GHRHR: variants seen among roughly 807,000 people sequenced by gnomAD.
GHRHR encodes the protein growth hormone-releasing hormone receptor.
GHRHR carries 40 observed loss-of-function variants against 58.3 expected under a neutral mutation model. The ratio of observed to expected loss-of-function variants is 0.69; its 90% confidence interval spans 0.53 to 0.89. The LOEUF (loss-of-function observed/expected upper bound fraction) is 0.89, where lower values mean the gene tolerates loss of function less well. Ranked by LOEUF, GHRHR falls within the 40% of genes least tolerant of loss-of-function variation. GHRHR has a pLI of 0.00. For missense variants in GHRHR, 551 were observed against 541.3 expected, an observed-to-expected ratio of 1.02 and a Z score of -0.18; for synonymous variants, 249 against 216.6, an observed-to-expected ratio of 1.15 and a Z score of -1.31.
intron 1 of GHRHR, among the ~76,000 whole-genome samples, chr7:30,964,714 T>C (rs1792305951): frequency 6.6e-6 from 1 of 152,152 alleles, no homozygotes; most frequent in Non-Finnish European, 1.5e-5. Context: ...CATCATCTTC[T>C]CACGATGCTG....
At chr7:30,964,895 G>A (rs1792309826) in intron 1 of GHRHR, among the ~76,000 whole-genome samples, 1 of 152,168 alleles carries the variant, frequency 6.6e-6, no homozygotes. Context: ...AAGGTTCTGG[G>A]ATGGTGAGGG....
chr7:30,972,077 C>T lies in GHRHR; in HGVS notation c.579C>T (p.Asp193=). 1 of 1,614,124 alleles carries T rather than the reference C, an allele frequency of 6.2e-7. No individual in the cohort carries two copies. The highest frequency in any genetic ancestry group is 8.5e-7 in the Non-Finnish European group (1 of 1,180,018). The change falls in exon 6 of 13, where the codon GAC becomes GAT. Residue 193 remains aspartate, a synonymous_variant. Transcript: ENST00000326139. ...DAALFHSDDT[D]HCSFSTVLCK... is the part of the protein sequence containing the mutation. ...CCCTTTTCCACAGCGACGACACTGA[C>T]CACTGCAGCTTCTCCACTGTAATGG...
At chr7:30,964,833 A>G (rs1373526725) in intron 1 of GHRHR, among the ~76,000 whole-genome samples, 1 of 152,128 alleles carries the variant, frequency 6.6e-6, no homozygotes, top group Non-Finnish European at 1.5e-5. Flanking sequence ...GTTTCCCAGT[A>G]ACTTTCCAGG....
At chr7:30,976,892 TCATCCAC>T (rs1462080522) in intron 11 of GHRHR, among the ~76,000 whole-genome samples, 1 of 84,018 alleles carries the variant, frequency 1.2e-5, no homozygotes, top group Admixed American at 1.6e-4. Flanking sequence ...ACCCACCCAT[TCATCCAC>T]CCACCCACCC....
At position 30,969,879 on chromosome 7, in the gene GHRHR, G is replaced by T. The variant is rs200848306; in HGVS notation, c.281G>T (p.Arg94Leu). The T allele has an allele frequency of 1.9e-6, 3 of 1,613,060 alleles. No homozygotes were observed. Among genetic ancestry groups the T allele is most frequent in the South Asian group, 2.2e-5 (2 of 91,074 alleles). ...HFSSESGAVK[R>L]DCTITGWSEP... ...GCTTGCCTCCCAGGGGCTGTGAAAC[G>T]GGATTGTACTATCACTGGCTGGTCT... Residue 94 changes from arginine (R) to leucine (L), a missense_variant, in exon 4 of 13, where the codon CGG becomes CTG. Transcript: ENST00000326139.
At chr7:30,967,887 G>C (rs572014295) in intron 1 of GHRHR, among the ~76,000 whole-genome samples, 2 of 152,300 alleles carry the variant, frequency 1.3e-5, no homozygotes, top group East Asian at 1.9e-4. Flanking sequence ...ATTTAAAATG[G>C]TTTCCAGTGG....
rs188490880 is a variant in GHRHR, at chr7:30,976,411, G to T, written c.975-18G>T. 55 of 1,612,046 alleles carry T rather than the reference G, an allele frequency of 3.4e-5. No individual in the cohort carries two copies. The African/African-American group carries it at 6.0e-4, about 18-fold the overall frequency. On this transcript the variant is annotated intron_variant, in intron 10 of 12. Transcript: ENST00000326139. ...TCTAATCCCAGTCTTGGGAGCCTAG[G>T]ATTTGTCTTTCCTGCAGGCGTCTCT...
chr7:30,977,491 A>T (rs1450579037), intron 12 of GHRHR, among the ~76,000 whole-genome samples, 169 bp downstream of exon 12: 1 of 152,208 alleles, frequency 6.6e-6, no homozygotes, highest in Non-Finnish European at 1.5e-5. Flanking sequence ...CTGAACCGGA[A>T]TGTTTCCTGT....
chr7:30,977,074 T>C (rs1458872991), intron 11 of GHRHR, among the ~76,000 whole-genome samples: 2 of 152,204 alleles, frequency 1.3e-5, no homozygotes, highest in Non-Finnish European at 2.9e-5. Context: ...GGGCCAACAG[T>C]ACAGCCCTGG....
chr7:30,979,423 A>G lies in GHRHR; in HGVS notation c.*179A>G, dbSNP rs1312877751. 7 of 630,316 alleles carry G rather than the reference A, an allele frequency of 1.1e-5. No homozygotes were observed. The highest frequency in any genetic ancestry group is 4.9e-5 in the South Asian group (3 of 60,940). The allele number at this position is 630,316 out of a possible 1,614,324, so 39.0% of individuals were successfully genotyped here. The stretch of plus-strand genomic sequence containing the variant: ...TCTCTTTTGAGGTCCCTGTATGTCT[A>G]CCTCTGACTTCTGTGGTCCCTCTGT... On this transcript the variant is annotated 3_prime_UTR_variant, in exon 13 of 13. Transcript: ENST00000326139.
intron 3 of GHRHR, 121 bp from the exon 4 acceptor site, chr7:30,969,744 CTG>C: frequency 1.1e-6 from 1 of 920,184 alleles, no homozygotes; most frequent in Non-Finnish European, 1.8e-6. Flanking sequence ...GCCACCCTCT[CTG>C]TTGCTCAGAG....
chr7:30,978,062 G>C lies in GHRHR; in HGVS notation c.1146+740G>C, dbSNP rs140094960. Among the ~76,000 whole-genome samples, 186 of 152,332 alleles carry C rather than the reference G, an allele frequency of 1.2e-3. 1 individual carries two copies. The highest frequency in any genetic ancestry group is 4.3e-3 in the African/African-American group (179 of 41,574). On this transcript the variant is annotated intron_variant, in intron 12 of 12. Transcript: ENST00000326139. ...CCTTTGTGCACCTGCAGGGCCATGC[G>C]CTCCCTCTGCTGGCCATGGATTTGC... is the stretch of plus-strand genomic sequence containing the variant.
chr7:30,971,761 A>G (rs1792484994), intron 5 of GHRHR, among the ~76,000 whole-genome samples: 1 of 151,910 alleles, frequency 6.6e-6, no homozygotes, highest in African/African-American at 2.4e-5. Flanking sequence ...CTCTCTTTCC[A>G]CACTTACCCT....
At chr7:30,969,672 A>G in intron 3 of GHRHR, 195 bp from the exon 4 acceptor site, 1 of 651,716 alleles carries the variant, frequency 1.5e-6, no homozygotes, top group East Asian at 2.7e-5. Context: ...CTTTGAAGCC[A>G]GAGAAGGAAG....
intron 10 of GHRHR, chr7:30,976,098 C>G (rs1792579684): frequency 1.7e-6 from 1 of 585,046 alleles, no homozygotes. Context: ...GTGCTGGGAT[C>G]AATTTCTATG....
At chr7:30,970,956 C>T in intron 4 of GHRHR, 163 bp from the exon 5 acceptor site, 2 of 685,162 alleles carry the variant, frequency 2.9e-6, no homozygotes, top group Non-Finnish European at 5.3e-6. Context: ...AACTAAAGCT[C>T]CAGTGCACAG....
rs948490288 is a variant in GHRHR at position 30,965,182 on chromosome 7, C to A, written c.57+1057C>A. ...CAACACAGGAAACTTCGACTGCCCC[C>A]CTGTCTGCCATCTGTGTGCACTCTA... On this transcript the variant is annotated intron_variant, in intron 1 of 12. Transcript: ENST00000326139. Among the ~76,000 whole-genome samples the A allele has an allele frequency of 5.9e-5, 9 of 152,286 alleles. 1 individual carries two copies. The highest frequency in any genetic ancestry group is 6.5e-5 in the Admixed American group (1 of 15,302).
At chr7:30,969,244 T>G in intron 3 of GHRHR, 74 bp downstream of exon 3, 1 of 1,072,970 alleles carries the variant, frequency 9.3e-7, no homozygotes, top group Non-Finnish European at 1.4e-6. Context: ...TCACTGGATT[T>G]GGGGGCAGGC....
In GHRHR at chr7:30,971,974, G is replaced by T; in HGVS notation, c.476G>T (p.Cys159Phe). ...TILVALRRLH[C>F]PRNYVHTQLF... The stretch of plus-strand genomic sequence containing the variant: ...CCCATTACCCCCAGGAGGCTCCACT[G>T]CCCCCGGAACTACGTCCACACCCAG... The change falls in exon 6 of 13, where the codon TGC becomes TTC. Residue 159 changes from cysteine to phenylalanine, a missense_variant. Physicochemically the swap from Cys to Phe is radical, Grantham distance 205. Transcript: ENST00000326139. The T allele has an allele frequency of 6.2e-7, 1 of 1,613,820 alleles. No homozygotes were observed. Among genetic ancestry groups the T allele is most frequent in the Non-Finnish European group, 8.5e-7 (1 of 1,179,884 alleles).
Sources: allele counts gnomAD v4.1 joint callset (sites outside exome capture counted in the v4.1 genomes callset), GRCh38; gene constraint gnomAD v4.1.1; transcripts MANE v1.5; gene names NCBI Gene and HGNC (gene_info 2026-07-23, HGNC 2026-07-21).